LHFPL2: variants seen among roughly 807,000 people sequenced by gnomAD.
LHFPL2 encodes LHFPL tetraspan subfamily member 2.
In LHFPL2, 7 loss-of-function variants were observed where a neutral mutation model predicts 17.5. That is an observed-to-expected ratio of 0.40 (90% CI 0.23 to 0.75). The LOEUF is 0.75. LHFPL2 is among the 30% of genes least tolerant of loss of function. LHFPL2 has a pLI of 0.37. For missense variants in LHFPL2, 241 were observed against 294.8 expected, an observed-to-expected ratio of 0.82 and a Z score of 1.34; for synonymous variants, 134 against 116.2, an observed-to-expected ratio of 1.15 and a Z score of -0.99.
chr5:78,520,068 G>A (rs139499208), intron 3 of LHFPL2, among the ~76,000 whole-genome samples: 2 of 152,070 alleles, frequency 1.3e-5, no homozygotes, highest in African/African-American at 4.8e-5. Context: ...TCGCTGCCAC[G>A]CTTTTTGGGT....
At chr5:78,551,838 A>C (rs536809625) in intron 3 of LHFPL2, among the ~76,000 whole-genome samples, 1 of 152,318 alleles carries the variant, frequency 6.6e-6, no homozygotes, top group Non-Finnish European at 1.5e-5. Context: ...TGTAGGTCCT[A>C]AGACCCTCAT....
At chr5:78,607,192 C>A (rs1309657217) in intron 2 of LHFPL2, among the ~76,000 whole-genome samples, 1 of 151,704 alleles carries the variant, frequency 6.6e-6, no homozygotes, top group Non-Finnish European at 1.5e-5. Flanking sequence ...CTCACTGCAA[C>A]CTCTCTGCCT....
At chr5:78,562,656 A>C (rs904404453) in intron 3 of LHFPL2, among the ~76,000 whole-genome samples, 3 of 151,564 alleles carry the variant, frequency 2.0e-5, no homozygotes, top group African/African-American at 4.8e-5. Flanking sequence ...AAAAAGAAAG[A>C]AAGCAGGATC....
At chr5:78,646,063 T>C (rs1161095876) in intron 1 of LHFPL2, among the ~76,000 whole-genome samples, 1 of 152,234 alleles carries the variant, frequency 6.6e-6, no homozygotes, top group African/African-American at 2.4e-5. Flanking sequence ...GGATATTCAC[T>C]TTGGTGGGAC....
At chr5:78,583,289 G>A (rs1334893493) in intron 2 of LHFPL2, among the ~76,000 whole-genome samples, 1 of 151,790 alleles carries the variant, frequency 6.6e-6, no homozygotes, top group Non-Finnish European at 1.5e-5. Context: ...TACATTTAAA[G>A]TTAATATTGT....
intron 3 of LHFPL2, among the ~76,000 whole-genome samples, chr5:78,539,241 C>G (rs1472104547): frequency 2.0e-5 from 3 of 152,206 alleles, no homozygotes; most frequent in African/African-American, 7.2e-5. Context: ...GATAGCAGCC[C>G]TCACCCGACA....
intron 3 of LHFPL2, among the ~76,000 whole-genome samples, chr5:78,548,117 C>G (rs1756338234): frequency 6.6e-6 from 1 of 152,218 alleles, no homozygotes; most frequent in African/African-American, 2.4e-5. Context: ...CTGCAAGGTC[C>G]TTCTGGTTCT....
chr5:78,643,747 G>A (rs1045664483), intron 1 of LHFPL2, among the ~76,000 whole-genome samples: 2 of 152,168 alleles, frequency 1.3e-5, no homozygotes, highest in African/African-American at 4.8e-5. Context: ...ACTGTATCAG[G>A]AGAGGTTAGT....
intron 2 of LHFPL2, chr5:78,590,161 GCT>G (rs1743578099): frequency 6.6e-6 from 1 of 152,020 alleles, no homozygotes; most frequent in Non-Finnish European, 1.5e-5. Flanking sequence ...CCTCATGATA[GCT>G]CTTTTTCATC....
intron 1 of LHFPL2, among the ~76,000 whole-genome samples, chr5:78,639,645 C>T (rs1276953371): frequency 6.7e-6 from 1 of 150,142 alleles, no homozygotes; most frequent in East Asian, 2.0e-4. Flanking sequence ...AAAAAAAAAA[C>T]AAATGTGATT....
At chr5:78,642,732 G>T (rs1446687424) in intron 1 of LHFPL2, among the ~76,000 whole-genome samples, 1 of 152,056 alleles carries the variant, frequency 6.6e-6, no homozygotes, top group Admixed American at 6.5e-5. Context: ...TTCTTGGAGG[G>T]CTTGTAGTTC....
At chr5:78,557,548 TCTTTCA>T (rs1306323181) in intron 3 of LHFPL2, among the ~76,000 whole-genome samples, 1 of 152,208 alleles carries the variant, frequency 6.6e-6, no homozygotes, top group African/African-American at 2.4e-5. Context: ...GGAGACCAGC[TCTTTCA>T]GACCAGTCAC....
intron 3 of LHFPL2, among the ~76,000 whole-genome samples, chr5:78,551,462 C>T (rs1756439079): frequency 1.3e-5 from 2 of 152,014 alleles, no homozygotes. Flanking sequence ...ATCTGGGGGC[C>T]ACTTCAGCTC....
At chr5:78,616,178 A>G (rs930885530) in intron 2 of LHFPL2, among the ~76,000 whole-genome samples, 2 of 152,022 alleles carry the variant, frequency 1.3e-5, no homozygotes, top group African/African-American at 2.4e-5. Flanking sequence ...CCCAGGCTGA[A>G]GTGCAGTGGC....
At chr5:78,521,244 A>G (rs1308935561) in intron 3 of LHFPL2, among the ~76,000 whole-genome samples, 1 of 152,224 alleles carries the variant, frequency 6.6e-6, no homozygotes, top group Non-Finnish European at 1.5e-5. Flanking sequence ...TTTATCCTCC[A>G]TTCCTCAGTA....
rs982391113 is a variant in LHFPL2 at position 78,609,484 on chromosome 5, A to C, written c.-245+22780T>G. On this transcript the variant is annotated intron_variant, in intron 2 of 4. Transcript: ENST00000380345. Reference sequence around the variant, plus strand: ...AAAAAAAAAAAAAAAAAAGAGAGAGAGCTTGCTTAAGTAAATTACAGCACA... The same window carrying C: ...AAAAAAAAAAAAAAAAAAGAGAGAGCGCTTGCTTAAGTAAATTACAGCACA... Among the ~76,000 whole-genome samples the C allele has an allele frequency of 4.9e-4, 72 of 147,656 alleles. 1 individual carries two copies. The highest frequency in any genetic ancestry group is 1.7e-3 in the African/African-American group (70 of 40,500).
At chr5:78,545,615 C>T (rs1191911627) in intron 3 of LHFPL2, among the ~76,000 whole-genome samples, 2 of 152,170 alleles carry the variant, frequency 1.3e-5, no homozygotes, top group Non-Finnish European at 1.5e-5. Context: ...TGGTGTGATG[C>T]GTGGAGGCCG....
At chr5:78,629,575 G>C (rs919706947) in intron 2 of LHFPL2, among the ~76,000 whole-genome samples, 6 of 152,180 alleles carry the variant, frequency 3.9e-5, no homozygotes, top group Non-Finnish European at 7.3e-5. Context: ...AAAGATAAAG[G>C]CTTCACCTGA....
intron 2 of LHFPL2, among the ~76,000 whole-genome samples, chr5:78,613,759 A>G (rs1307900945): frequency 6.6e-6 from 1 of 152,200 alleles, no homozygotes; most frequent in Non-Finnish European, 1.5e-5. Context: ...CAGGCTTTCA[A>G]TCAAGCAGAG....
Sources: allele counts gnomAD v4.1 joint callset (sites outside exome capture counted in the v4.1 genomes callset), GRCh38; gene constraint gnomAD v4.1.1; transcripts MANE v1.5; gene names NCBI Gene and HGNC (gene_info 2026-07-23, HGNC 2026-07-21).